MYO16: variants seen among roughly 807,000 people sequenced by gnomAD.
MYO16 encodes myosin XVI.
In MYO16, 94 loss-of-function variants were observed where a neutral mutation model predicts 205.3. That is an observed-to-expected ratio of 0.46 (90% CI 0.39 to 0.54). The LOEUF is 0.54. Ranked by LOEUF, MYO16 falls within the 20% of genes least tolerant of loss-of-function variation. MYO16 has a pLI of 0.00. For missense variants in MYO16, 2,315 were observed against 2,387.5 expected, an observed-to-expected ratio of 0.97 and a Z score of 0.63; for synonymous variants, 988 against 954.0, an observed-to-expected ratio of 1.04 and a Z score of -0.66.
At chr13:108,601,421 T>C (rs1878758686) in intron 1 of MYO16, among the ~76,000 whole-genome samples, 1 of 152,176 alleles carries the variant, frequency 6.6e-6, no homozygotes, top group South Asian at 2.1e-4. Context: ...ATATAAATTA[T>C]ATGCAGACGA....
intron 11 of MYO16, among the ~76,000 whole-genome samples, chr13:108,865,566 C>A (rs530905314): frequency 1.3e-5 from 2 of 151,804 alleles, no homozygotes; most frequent in South Asian, 4.2e-4. Context: ...TTAAAGTAGT[C>A]ATCTTTCATA....
intron 2 of MYO16, among the ~76,000 whole-genome samples, chr13:108,708,474 G>A (rs920180500): frequency 6.6e-6 from 1 of 152,162 alleles, no homozygotes; most frequent in African/African-American, 2.4e-5. Flanking sequence ...CAAACTTACA[G>A]AAAACTTTCC....
intron 4 of MYO16, among the ~76,000 whole-genome samples, chr13:108,782,438 T>G (rs921227814): frequency 2.6e-5 from 4 of 152,190 alleles, no homozygotes; most frequent in African/African-American, 9.6e-5. Context: ...TTAAAAGCAT[T>G]CCTTTTTAAA....
the MYO16 span, among the ~76,000 whole-genome samples, chr13:108,531,294 G>A: frequency 1.3e-4 from 20 of 152,318 alleles, no homozygotes; most frequent in Non-Finnish European, 2.6e-4. Flanking sequence ...GACAATAAGA[G>A]CAATGTAAAG....
intron 11 of MYO16, among the ~76,000 whole-genome samples, chr13:108,861,158 C>A (rs1157739734): frequency 6.6e-6 from 1 of 152,114 alleles, no homozygotes; most frequent in African/African-American, 2.4e-5. Context: ...ACCCACGTAA[C>A]CTGCAGCTTC....
chr13:108,778,711 A>C (rs1234346120), intron 4 of MYO16, among the ~76,000 whole-genome samples: 1 of 152,202 alleles, frequency 6.6e-6, no homozygotes, highest in Non-Finnish European at 1.5e-5. Context: ...ATTAACAAGA[A>C]CTTTCAGAAA....
At chr13:108,883,009 C>A in intron 12 of MYO16, 50 bp from the exon 13 acceptor site, 2 of 1,602,392 alleles carry the variant, frequency 1.2e-6, no homozygotes, top group South Asian at 1.1e-5. Context: ...ATGAGGAATA[C>A]TGGCGCCTTT....
At chr13:108,995,486 C>T (rs540848822) in intron 21 of MYO16, among the ~76,000 whole-genome samples, 27 of 152,150 alleles carry the variant, frequency 1.8e-4, no homozygotes, top group Non-Finnish European at 3.1e-4. Flanking sequence ...ATGTGCACAA[C>T]ATGCAGGTTA....
chr13:108,998,879 G>A (rs1885123939), intron 21 of MYO16, among the ~76,000 whole-genome samples: 1 of 152,184 alleles, frequency 6.6e-6, no homozygotes, highest in Non-Finnish European at 1.5e-5. Flanking sequence ...CAGTTTGTTG[G>A]ATGATTTTTC....
intron 33 of MYO16, among the ~76,000 whole-genome samples, chr13:109,174,748 C>CTTTTTT (rs34606084): frequency 2.5e-4 from 21 of 85,614 alleles, no homozygotes; most frequent in South Asian, 8.8e-4. Context: ...CTTGTCTTGT[C>CTTTTTT]TTTTTTTTTT....
intron 2 of MYO16, among the ~76,000 whole-genome samples, chr13:108,683,220 G>C (rs956702295): frequency 6.6e-6 from 1 of 151,980 alleles, no homozygotes; most frequent in Non-Finnish European, 1.5e-5. Context: ...TTCAATTCTC[G>C]ATATAAGTGC....
At chr13:108,990,529 C>A (rs919094168) in intron 20 of MYO16, among the ~76,000 whole-genome samples, 39 of 151,216 alleles carry the variant, frequency 2.6e-4, no homozygotes, top group Admixed American at 2.0e-4. Context: ...AAAAAAATTG[C>A]ATTTGTTTTC....
At chr13:109,040,793 G>A (rs140809279) in intron 23 of MYO16, among the ~76,000 whole-genome samples, 70 of 152,244 alleles carry the variant, frequency 4.6e-4, no homozygotes, top group African/African-American at 1.6e-3. Context: ...TTTTACTTCT[G>A]TGATCAGAAA....
chr13:108,534,492 G>A, the MYO16 span, among the ~76,000 whole-genome samples: 2 of 151,922 alleles, frequency 1.3e-5, no homozygotes, highest in African/African-American at 4.8e-5. Flanking sequence ...GCTGACTCCT[G>A]GCATTTTTCC....
At chr13:108,744,202 G>A (rs1325354372) in intron 4 of MYO16, among the ~76,000 whole-genome samples, 1 of 152,168 alleles carries the variant, frequency 6.6e-6, no homozygotes, top group Non-Finnish European at 1.5e-5. Flanking sequence ...AGGCTTGAAT[G>A]ACTTCAACTT....
At chr13:108,622,299 C>T (rs1879572468) in intron 1 of MYO16, among the ~76,000 whole-genome samples, 1 of 152,146 alleles carries the variant, frequency 6.6e-6, no homozygotes, top group African/African-American at 2.4e-5. Flanking sequence ...TTGTTGAGCA[C>T]CTAGCTTGTA....
chr13:108,545,859 T>C, the MYO16 span, among the ~76,000 whole-genome samples: 644 of 152,318 alleles, frequency 4.2e-3, 9 homozygotes, highest in African/African-American at 0.015. Context: ...TAATACTTAC[T>C]GTGTGCTTGG....
chr13:108,976,799 T>A (rs2139404871), intron 20 of MYO16, among the ~76,000 whole-genome samples: 1 of 152,308 alleles, frequency 6.6e-6, no homozygotes, highest in Admixed American at 6.5e-5. Flanking sequence ...ATATGCTATC[T>A]TTTTTGGGAA....
At chr13:108,893,728 A>G (rs1173870259) in intron 14 of MYO16, among the ~76,000 whole-genome samples, 4 of 152,168 alleles carry the variant, frequency 2.6e-5, no homozygotes, top group African/African-American at 9.7e-5. Context: ...AATATCACAC[A>G]GGCCATCATG....
Sources: allele counts gnomAD v4.1 joint callset (sites outside exome capture counted in the v4.1 genomes callset), GRCh38; gene constraint gnomAD v4.1.1; transcripts MANE v1.5; gene names NCBI Gene and HGNC (gene_info 2026-07-23, HGNC 2026-07-21).